The following FNDC3B variants were observed in gnomAD, a reference collection of about 807,000 sequenced individuals.
FNDC3B encodes the protein fibronectin type III domain-containing protein 3B.
Under a neutral mutation model 151.5 loss-of-function variants are expected in FNDC3B, and 12 were observed. The ratio of observed to expected loss-of-function variants is 0.08; its 90% CI spans 0.05 to 0.13. The LOEUF is 0.13. Among genes scored for constraint, FNDC3B ranks in the 10% least tolerant of loss-of-function variants. The pLI is 1.00. For synonymous variants in FNDC3B, 528 were observed against 549.0 expected, an observed-to-expected ratio of 0.96 and a Z score of 0.54; for missense variants, 1,214 against 1,505.3, an observed-to-expected ratio of 0.81 and a Z score of 3.20.
intron 25 of FNDC3B, among the ~76,000 whole-genome samples, chr3:172,385,834 A>G (rs1487603962): frequency 1.3e-5 from 2 of 152,184 alleles, no homozygotes; most frequent in Non-Finnish European, 2.9e-5. Flanking sequence ...CTGGGATTAC[A>G]GGCGTGAGCC....
At chr3:172,129,837 G>A (rs543999001) in intron 2 of FNDC3B, among the ~76,000 whole-genome samples, 2 of 152,228 alleles carry the variant, frequency 1.3e-5, no homozygotes, top group African/African-American at 4.8e-5. Context: ...AAGACATGGT[G>A]CAGTATGAAT....
chr3:172,061,295 T>C (rs575311), intron 1 of FNDC3B, among the ~76,000 whole-genome samples: 149,523 of 150,628 alleles, frequency 0.99, 74,216 homozygotes, highest in Middle Eastern at 1. Flanking sequence ...TGCAGTGGCG[T>C]GATCTCGGTT....
intron 16 of FNDC3B, chr3:172,337,656 TTA>T: frequency 2.3e-6 from 1 of 432,272 alleles, no homozygotes; most frequent in Non-Finnish European, 4.1e-6. Context: ...TTTGTTTTGT[TTA>T]TCTTTTGTTT....
At chr3:172,252,460 G>A (rs1007144612) in intron 6 of FNDC3B, among the ~76,000 whole-genome samples, 4 of 151,390 alleles carry the variant, frequency 2.6e-5, no homozygotes, top group Non-Finnish European at 5.9e-5. Flanking sequence ...CTGAGATGCA[G>A]TAAGGAATCT....
At chr3:172,368,334 C>A (rs1332009454) in intron 23 of FNDC3B, among the ~76,000 whole-genome samples, 1 of 151,310 alleles carries the variant, frequency 6.6e-6, no homozygotes, top group African/African-American at 2.4e-5. Context: ...GCTTTCTCAG[C>A]GTATGCCTAT....
chr3:172,042,253 T>C (rs1560378567), intron 1 of FNDC3B, among the ~76,000 whole-genome samples: 1 of 152,200 alleles, frequency 6.6e-6, no homozygotes, highest in African/African-American at 2.4e-5. Flanking sequence ...CGATGGGTTA[T>C]ATTGGAGAGC....
At chr3:172,101,985 G>T (rs1420733173) in intron 1 of FNDC3B, among the ~76,000 whole-genome samples, 1 of 152,176 alleles carries the variant, frequency 6.6e-6, no homozygotes, top group African/African-American at 2.4e-5. Context: ...GGAGGGAGAT[G>T]TACTCTCATG....
chr3:172,369,903 C>T (rs377764250), intron 23 of FNDC3B, among the ~76,000 whole-genome samples: 1 of 152,006 alleles, frequency 6.6e-6, no homozygotes, highest in African/African-American at 2.4e-5. Flanking sequence ...AATTCTCTCT[C>T]TCTTTCTCTC....
intron 3 of FNDC3B, among the ~76,000 whole-genome samples, chr3:172,138,360 T>TA (rs1559983835): frequency 6.6e-6 from 1 of 152,258 alleles, no homozygotes; most frequent in Non-Finnish European, 1.5e-5. Flanking sequence ...GCTCTGGTAT[T>TA]ACATTCAAGC....
intron 8 of FNDC3B, 84 bp downstream of exon 8, chr3:172,295,598 T>C (rs1040614544): frequency 6.5e-6 from 9 of 1,380,766 alleles, no homozygotes; most frequent in Middle Eastern, 1.9e-4. Flanking sequence ...AAGGAAAACC[T>C]TATAGGCTTG....
chr3:172,141,432 G>A (rs1045850274), intron 3 of FNDC3B, among the ~76,000 whole-genome samples: 5 of 152,186 alleles, frequency 3.3e-5, no homozygotes, highest in African/African-American at 7.2e-5. Flanking sequence ...AATAACAGCC[G>A]TTCACTCTTG....
intron 4 of FNDC3B, among the ~76,000 whole-genome samples, chr3:172,246,960 C>G (rs1238619192): frequency 1.3e-5 from 2 of 152,168 alleles, no homozygotes; most frequent in East Asian, 3.8e-4. Context: ...CATCCATATC[C>G]TCAGTCCTAG....
chr3:172,299,768 C>T (rs1010182761), intron 9 of FNDC3B, among the ~76,000 whole-genome samples: 7 of 152,058 alleles, frequency 4.6e-5, no homozygotes, highest in African/African-American at 1.7e-4. Flanking sequence ...GGCAAGGTAG[C>T]CTAGTAGGAA....
At chr3:172,206,942 G>T (rs185288126) in intron 3 of FNDC3B, among the ~76,000 whole-genome samples, 2 of 152,260 alleles carry the variant, frequency 1.3e-5, no homozygotes, top group East Asian at 3.9e-4. Context: ...TCTGCCCCAA[G>T]AATCTTTGTT....
At chr3:172,192,408 C>A (rs192148706) in intron 3 of FNDC3B, among the ~76,000 whole-genome samples, 1,803 of 151,866 alleles carry the variant, frequency 0.012, 31 homozygotes, top group African/African-American at 0.042. Flanking sequence ...GATGGTCTTG[C>A]TCTCCTGACC....
chr3:172,219,709 T>C (rs1460302012), intron 3 of FNDC3B, among the ~76,000 whole-genome samples: 1 of 152,236 alleles, frequency 6.6e-6, no homozygotes, highest in Non-Finnish European at 1.5e-5. Context: ...TTCGTGTAAG[T>C]GGAATCACAC....
intron 1 of FNDC3B, among the ~76,000 whole-genome samples, chr3:172,107,996 C>T (rs778611677): frequency 5.3e-5 from 8 of 152,092 alleles, no homozygotes; most frequent in East Asian, 3.9e-4. Flanking sequence ...AGTGAAACCC[C>T]GTCTCTACTA....
chr3:172,101,403 T>C (rs1719373746), intron 1 of FNDC3B, among the ~76,000 whole-genome samples: 2 of 152,260 alleles, frequency 1.3e-5, no homozygotes, highest in Non-Finnish European at 1.5e-5. Flanking sequence ...TTTAACCTTA[T>C]GCCTTTATTT....
At chr3:172,065,795 T>C (rs1717469115) in intron 1 of FNDC3B, among the ~76,000 whole-genome samples, 1 of 152,248 alleles carries the variant, frequency 6.6e-6, no homozygotes, top group Admixed American at 6.5e-5. Flanking sequence ...GGGCTTGTCA[T>C]GTTTATATTA....
Sources: allele counts gnomAD v4.1 joint callset (sites outside exome capture counted in the v4.1 genomes callset), GRCh38; gene constraint gnomAD v4.1.1; transcripts MANE v1.5; gene names NCBI Gene and HGNC (gene_info 2026-07-23, HGNC 2026-07-21).